Variants in SLITRK5 observed in about 807,000 individuals in gnomAD.
SLITRK5 encodes SLIT and NTRK like family member 5.
A neutral mutation model predicts 56.2 loss-of-function variants in SLITRK5; 23 were observed. The ratio of observed to expected loss-of-function variants is 0.41; its 90% CI spans 0.29 to 0.58. SLITRK5 has a LOEUF of 0.58. SLITRK5 is among the 20% of genes least tolerant of loss of function. The pLI is 0.30. For synonymous variants in SLITRK5, 637 were observed against 531.8 expected (o/e 1.20, Z -2.72); for missense variants, 1,289 against 1,226.6 (o/e 1.05, Z -0.76).
rs1387924900 is a variant in SLITRK5, at chr13:87,674,388, A to T, written c.-8-993A>T. The stretch of plus-strand genomic sequence containing the variant: ...GCAAACCTTGCTATTACCGTTGCAA[A>T]TAGACGCGGAGCCCAAGGTAAGGGA... On this transcript the variant is annotated intron_variant, in intron 1 of 1. Transcript: ENST00000683689. 3 of 985,238 alleles carry T rather than the reference A, an allele frequency of 3.0e-6. No individual in the cohort carries two copies. In the African/African-American group the frequency reaches 5.2e-5, roughly 17 times the overall value. 61.0% of individuals were successfully genotyped at this position (985,238 alleles called of 1,614,324 possible). A position where few individuals can be genotyped will look rare whatever the true frequency, so the allele number is the denominator to read the frequency against.
chr13:87,673,125 G>A (rs1161600338), intron 1 of SLITRK5, among the ~76,000 whole-genome samples: 1 of 151,766 alleles, frequency 6.6e-6, no homozygotes, highest in Admixed American at 6.6e-5. Context: ...GCTTACTGCA[G>A]GGACGTACAG....
At chr13:87,674,256 C>A in intron 1 of SLITRK5, 1 of 330,046 alleles carries the variant, frequency 3.0e-6, no homozygotes, top group Non-Finnish European at 4.3e-6. Context: ...CTTAATCAGC[C>A]CAGGCGTCCT....
Position 87,677,786 on chromosome 13 carries a change from C to A in SLITRK5, c.2398C>A (p.Pro800Thr). Residue 800 changes from proline to threonine, a missense_variant, in exon 2 of 2, where the codon CCG becomes ACG. Coordinates refer to ENST00000683689, the MANE Select transcript of SLITRK5 (RefSeq NM_001384609.1). This position sits in a 1 kb window ranked among gnomAD's most constrained non-coding sequence, Gnocchi z 4.7. ...CCTGCAGCAGCAGCAGCAGCCGCCG[C>A]CGCCACCGCAGCAGCCACAGCAGCA... ...HHLQQQQQPP[P>T]PPQQPQQQPP... 1 of 1,610,002 alleles carries A rather than the reference C, an allele frequency of 6.2e-7. No individual in the cohort carries two copies. Among genetic ancestry groups the A allele is most frequent in the Non-Finnish European group, 8.5e-7 (1 of 1,178,474 alleles).
In SLITRK5 at chr13:87,678,108, G is replaced by C; in HGVS notation, c.2720G>C (p.Gly907Ala). 6.2e-7 allele frequency: 1 copy of C among 1,614,216 alleles called. No individual in the cohort carries two copies. The highest frequency in any genetic ancestry group is 8.5e-7 in the Non-Finnish European group (1 of 1,180,048). ...RPHQYLHPGA[G>A]DSRLREPVLY... The stretch of plus-strand genomic sequence containing the variant: ...CATCAGTATTTGCACCCGGGGGCAG[G>C]GGACAGCAGGCTACGGGAACCGGTG... The change falls in exon 2 of 2, where the codon GGG (glycine) becomes GCG (alanine). Residue 907 changes from glycine (G) to alanine (A), a missense_variant. By Grantham distance (60) the Gly-to-Ala change is moderately conservative. Around this residue, in one of 3 missense-constraint regions of SLITRK5, gnomAD observed 985 missense variants for 906.0 expected, o/e 1.09. Transcript: ENST00000683689.
In SLITRK5 at chr13:87,677,042, C is replaced by T; in HGVS notation, c.1654C>T (p.Leu552=). 6.2e-7 allele frequency: 1 copy of T among 1,614,098 alleles called. No homozygotes were observed. The highest frequency in any genetic ancestry group is 1.1e-5 in the South Asian group (1 of 91,082). Residue 552 remains leucine, a synonymous_variant, in exon 2 of 2, where the codon CTG becomes TTG. Coordinates refer to ENST00000683689, the MANE Select transcript of SLITRK5 (RefSeq NM_001384609.1). The surrounding 1 kb of genome is among the most constrained non-coding windows in gnomAD (Gnocchi z 4.7). The stretch of plus-strand genomic sequence containing the variant: ...GCCAGTGAGTGGAGTTTTGGACCAG[C>T]TGAAGTCACTCATCCAAATCGACCT... The part of the protein sequence containing the change: ...SLPVSGVLDQ[L]KSLIQIDLHD...
At position 87,677,690 on chromosome 13, in the gene SLITRK5, C is replaced by A; in HGVS notation, c.2302C>A (p.Arg768=). 1 of 1,606,054 alleles carries A rather than the reference C, an allele frequency of 6.2e-7. No homozygotes were observed. Among genetic ancestry groups the A allele is most frequent in the Non-Finnish European group, 8.5e-7 (1 of 1,173,696 alleles). The change falls in exon 2 of 2, where the codon CGA becomes AGA. Residue 768 remains arginine (R), a synonymous_variant. Transcript: ENST00000683689. The surrounding 1 kb of genome is among the most constrained non-coding windows in gnomAD (Gnocchi z 4.7). ...HMCKNPIYRS[R]EGNSVEDYKD... ...GTGCAAAAACCCCATCTACCGCTCC[C>A]GAGAGGGCAACTCCGTAGAGGATTA...
Position 87,676,210 on chromosome 13 carries a change from C to T in SLITRK5, c.822C>T (p.Asp274=), listed in dbSNP as rs755524884. Residue 274 remains aspartate (D), a synonymous_variant, in exon 2 of 2, where the codon GAC becomes GAT. Transcript: ENST00000683689. ...CETPFRLHGR[D]LDEVSKQELC... is the part of the protein sequence containing the mutation. ...CCCCCTTCCGCTTACACGGAAGGGA[C>T]TTGGACGAGGTATCCAAGCAGGAAC... 6.2e-7 allele frequency: 1 copy of T among 1,613,978 alleles called. No individual in the cohort carries two copies. Among genetic ancestry groups the T allele is most frequent in the African/African-American group, 1.3e-5 (1 of 74,898 alleles).
chr13:87,676,392 G>A lies in SLITRK5; in HGVS notation c.1004G>A (p.Arg335His). 3.7e-6 allele frequency: 6 copies of A among 1,613,964 alleles called. No homozygotes were observed. Among genetic ancestry groups the A allele is most frequent in the Non-Finnish European group, 5.1e-6 (6 of 1,179,994 alleles). The change falls in exon 2 of 2, where the codon CGC becomes CAC. Residue 335 changes from arginine to histidine, a missense_variant. Transcript: ENST00000683689. ...KPPLKPPKGT[R>H]QPNKPRVRPT... ...CCTTTGAAGCCCCCTAAGGGGACTC[G>A]CCAACCCAACAAGCCCAGGGTGCGC...
chr13:87,676,175 G>C lies in SLITRK5; in HGVS notation c.787G>C (p.Val263Leu). ...ISYSALVGDV[V>L]CETPFRLHGR... ...CTATTCAGCCCTGGTGGGGGATGTA[G>C]TTTGTGAGACCCCCTTCCGCTTACA... The change falls in exon 2 of 2, where the codon GTT (valine) becomes CTT (leucine). Residue 263 changes from valine (V) to leucine (L), a missense_variant. Val to Leu is a conservative substitution (Grantham distance 32, BLOSUM62 1). Transcript: ENST00000683689. 6.2e-7 allele frequency: 1 copy of C among 1,614,130 alleles called. No individual in the cohort carries two copies. Among genetic ancestry groups the C allele is most frequent in the Non-Finnish European group, 8.5e-7 (1 of 1,180,024 alleles).
At chr13:87,673,279 T>C (rs1877123955) in intron 1 of SLITRK5, among the ~76,000 whole-genome samples, 1 of 151,268 alleles carries the variant, frequency 6.6e-6, no homozygotes, top group South Asian at 2.1e-4. Context: ...CCCGTCAGAA[T>C]GTCAGCCTCC....
chr13:87,677,855 C>T lies in SLITRK5; in HGVS notation c.2467C>T (p.Arg823Trp). ...LQLQPGEEER[R>W]ESHHLRSPAY... ...GCTGCAGCCCGGGGAGGAGGAGAGGCGGGAAAGCCACCACTTGCGGAGCCC... is the reference window on the plus strand; with the variant it reads ...GCTGCAGCCCGGGGAGGAGGAGAGGTGGGAAAGCCACCACTTGCGGAGCCC... Residue 823 changes from arginine (R) to tryptophan (W), a missense_variant, in exon 2 of 2, where the codon CGG becomes TGG. Arg to Trp is a moderately radical substitution (Grantham distance 101, BLOSUM62 -3). Transcript: ENST00000683689. This position sits in a 1 kb window ranked among gnomAD's most constrained non-coding sequence, Gnocchi z 4.7. 6.2e-7 allele frequency: 1 copy of T among 1,608,698 alleles called. No individual in the cohort carries two copies. Among genetic ancestry groups the T allele is most frequent in the Non-Finnish European group, 8.5e-7 (1 of 1,177,760 alleles).
At position 87,671,635 on chromosome 13, in the gene SLITRK5, TC is replaced by T. The variant is rs1440965784; in HGVS notation, c.-578del. ...ACGCGGTTGCTGCCCGCCCCCCCCT[TC>T]CCCCAGAAACCCCAAAGGATGTCGG... On this transcript the variant is annotated 5_prime_UTR_variant, in exon 1 of 2. Transcript: ENST00000683689. Among the ~76,000 whole-genome samples, 6 of 150,464 alleles carry T rather than the reference TC, an allele frequency of 4.0e-5. No individual in the cohort carries two copies. In the East Asian group the frequency reaches 7.9e-4, roughly 20 times the overall value.
chr13:87,675,247 G>A, intron 1 of SLITRK5, 134 bp from the exon 2 acceptor site: 1 of 621,050 alleles, frequency 1.6e-6, no homozygotes, highest in Non-Finnish European at 2.9e-6. Context: ...TGTTTCACTT[G>A]GGGAGGTGTG....
At chr13:87,673,926 A>C (rs1032117065) in intron 1 of SLITRK5, among the ~76,000 whole-genome samples, 1 of 152,116 alleles carries the variant, frequency 6.6e-6, no homozygotes, top group Admixed American at 6.5e-5. Flanking sequence ...GAGAAAAGGC[A>C]TAGGTTCCTA....
Position 87,676,991 on chromosome 13 carries a change from C to T in SLITRK5, c.1603C>T (p.Leu535=). The T allele has an allele frequency of 6.2e-7, 1 of 1,614,160 alleles. No homozygotes were observed. The highest frequency in any genetic ancestry group is 1.3e-5 in the African/African-American group (1 of 75,050). The part of the protein sequence containing the change: ...FSGLTLLRLN[L]RSNHFTSLPV... ...TGGCTTGACCCTCCTCAGGCTAAAC[C>T]TGAGGAGTAACCACTTCACCTCCTT... The change falls in exon 2 of 2, where the codon CTG becomes TTG. Residue 535 remains leucine (L), a synonymous_variant. Transcript: ENST00000683689.
rs1412654256 is a variant in SLITRK5 at position 87,679,514 on chromosome 13, GAT to G, written c.*1252_*1253del. The G allele has an allele frequency of 6.0e-6, 1 of 166,698 alleles. No homozygotes were observed. The highest frequency in any genetic ancestry group is 1.5e-5 in the Non-Finnish European group (1 of 68,064). The allele number at this position is 166,698 out of a possible 1,614,324, so 10.3% of individuals were successfully genotyped here. On this transcript the variant is annotated 3_prime_UTR_variant, in exon 2 of 2. Transcript: ENST00000683689. Reference sequence around the variant, plus strand: ...AAGCAATGATGATAATGACAAACAGGATATCTGTAAGATGGGGCTACTGTTGT... The same window carrying G: ...AAGCAATGATGATAATGACAAACAGGATCTGTAAGATGGGGCTACTGTTGT...
chr13:87,677,366 T>C lies in SLITRK5; in HGVS notation c.1978T>C (p.Ser660Pro). ...CTTGGGCGCAGGCGGAGGGGCGTCG[T>C]CGGTGCCCTTGTCTGTGTTAATTCT... Reference protein sequence around the residue: ...ASLGAGGGASSVPLSVLILSL... With the variant: ...ASLGAGGGASPVPLSVLILSL... Residue 660 changes from serine to proline, a missense_variant, in exon 2 of 2, where the codon TCG becomes CCG. Transcript: ENST00000683689. The surrounding 1 kb of genome is among the most constrained non-coding windows in gnomAD (Gnocchi z 4.7). The C allele has an allele frequency of 6.2e-7, 1 of 1,613,998 alleles. No individual in the cohort carries two copies. The highest frequency in any genetic ancestry group is 8.5e-7 in the Non-Finnish European group (1 of 1,179,986).
rs945234786 is a variant in SLITRK5 at position 87,671,445 on chromosome 13, A to C, written c.-773A>C. Among the ~76,000 whole-genome samples, 3 of 151,866 alleles carry C rather than the reference A, an allele frequency of 2.0e-5. No individual in the cohort carries two copies. The highest frequency in any genetic ancestry group is 7.3e-5 in the African/African-American group (3 of 41,346). ...TCGCACCAGAGGCGCGACAATAAAC[A>C]AGTGCACTGGACTGGGCCCTGCACC... On this transcript the variant is annotated 5_prime_UTR_variant, in exon 1 of 2. Transcript: ENST00000683689.
chr13:87,672,256 C>T (rs867145505), intron 1 of SLITRK5, among the ~76,000 whole-genome samples, 47 bp downstream of exon 1: 1 of 152,128 alleles, frequency 6.6e-6, no homozygotes, highest in Admixed American at 6.5e-5. Context: ...CTGCCAGGGA[C>T]CCCGCGATCG....
Sources: gnomAD v4.1 joint callset for allele counts (sites outside exome capture counted in the v4.1 genomes callset) on GRCh38, gnomAD v4.1.1 for gene constraint, gnomAD v4.1.1 regional missense constraint, Gnocchi (gnomAD v3.1) non-coding constraint, MANE v1.5 for transcripts, NCBI Gene and HGNC (gene_info 2026-07-23, HGNC 2026-07-21) for gene names.